Variants in PTCHD4 observed in about 807,000 individuals in gnomAD.
PTCHD4 encodes the protein patched domain containing 4, also known as patched domain-containing protein 4.
PTCHD4 carries 33 observed loss-of-function variants against 58.1 expected under a neutral mutation model. The observed-to-expected ratio is 0.57, with a 90% confidence interval of 0.43 to 0.76. The LOEUF is 0.76. Among genes scored for constraint, PTCHD4 ranks in the 30% least tolerant of loss-of-function variants. The probability of loss-of-function intolerance (pLI) is 0.00; values close to 1 mark genes in which losing one functional copy is unlikely to be tolerated. For synonymous variants in PTCHD4, 478 were observed against 409.6 expected, an observed-to-expected ratio of 1.17 and a Z score of -2.02; for missense variants, 1,058 against 1,027.1, an observed-to-expected ratio of 1.03 and a Z score of -0.41.
chr6:47,914,757 T>C (rs1765187657), intron 4 of PTCHD4, among the ~76,000 whole-genome samples: 1 of 146,956 alleles, frequency 6.8e-6, no homozygotes, highest in Non-Finnish European at 1.5e-5. Flanking sequence ...TCTATCTATC[T>C]ATCTATCTAT....
At chr6:48,098,780 C>T (rs1765533366) in intron 1 of PTCHD4, among the ~76,000 whole-genome samples, 1 of 152,108 alleles carries the variant, frequency 6.6e-6, no homozygotes, top group South Asian at 2.1e-4. Context: ...CCAGAGATGT[C>T]CCCATCCTGT....
At chr6:47,975,774 A>G (rs1050555599) in intron 4 of PTCHD4, among the ~76,000 whole-genome samples, 6 of 152,200 alleles carry the variant, frequency 3.9e-5, no homozygotes, top group Non-Finnish European at 7.3e-5. Flanking sequence ...AAAGATGAAC[A>G]GGGAAGCTCT....
At chr6:47,995,436 C>T (rs1266394081) in intron 4 of PTCHD4, among the ~76,000 whole-genome samples, 2 of 152,174 alleles carry the variant, frequency 1.3e-5, no homozygotes, top group African/African-American at 2.4e-5. Flanking sequence ...GGTCTTTTTA[C>T]ATATCTTGAG....
rs775134454 is a variant in PTCHD4, at chr6:47,862,929, A to C, written c.*15374T>G. ...ATGGTCAATTATATCTGGGAAATCAAATACTGTCTTTATGCTACTGGAACA... is the reference window on the plus strand; with the variant it reads ...ATGGTCAATTATATCTGGGAAATCACATACTGTCTTTATGCTACTGGAACA... On this transcript the variant is annotated 3_prime_UTR_variant, in exon 5 of 5. Coordinates refer to ENST00000339488, the MANE Select transcript of PTCHD4 (RefSeq NM_001384253.1). 1.3e-5 allele frequency among the ~76,000 whole-genome samples: 2 copies of C among 151,934 alleles called. No individual in the cohort carries two copies. Among genetic ancestry groups the C allele is most frequent in the African/African-American group, 2.4e-5 (1 of 41,432 alleles).
intron 4 of PTCHD4, among the ~76,000 whole-genome samples, chr6:47,996,594 G>A (rs1768497208): frequency 6.6e-6 from 1 of 152,200 alleles, no homozygotes; most frequent in Non-Finnish European, 1.5e-5. Flanking sequence ...AATGCAGGTT[G>A]TAATCCTGAC....
rs149609525 is a variant in PTCHD4, at chr6:48,035,791, G to C, written c.418-26677C>G. Among the ~76,000 whole-genome samples, 67 of 152,240 alleles carry C rather than the reference G, an allele frequency of 4.4e-4. No individual in the cohort carries two copies. The East Asian group carries it at 0.012, about 26-fold the overall frequency. On this transcript the variant is annotated intron_variant, in intron 3 of 4. Coordinates refer to ENST00000339488, the MANE Select transcript of PTCHD4 (RefSeq NM_001384253.1). ...CCTGCCTTCAGCAGGAATCCTGTCAGCTCAGTTTAGCCAGAATCTCCCTTG... is the reference window on the plus strand; with the variant it reads ...CCTGCCTTCAGCAGGAATCCTGTCACCTCAGTTTAGCCAGAATCTCCCTTG...
At chr6:47,946,815 T>A (rs185116142) in intron 4 of PTCHD4, among the ~76,000 whole-genome samples, 58 of 152,214 alleles carry the variant, frequency 3.8e-4, no homozygotes, top group African/African-American at 1.4e-3. Context: ...AGTTTGAAAT[T>A]ATGTGCACAA....
intron 4 of PTCHD4, among the ~76,000 whole-genome samples, chr6:47,978,678 G>T (rs1167687091): frequency 6.6e-6 from 1 of 152,092 alleles, no homozygotes; most frequent in African/African-American, 2.4e-5. Context: ...AACTCTATGA[G>T]ACAGATCTTA....
chr6:48,002,119 T>C (rs974852347), intron 4 of PTCHD4, among the ~76,000 whole-genome samples: 1 of 152,148 alleles, frequency 6.6e-6, no homozygotes, highest in Non-Finnish European at 1.5e-5. Flanking sequence ...CAACAGGTGC[T>C]GGAGAGGATG....
chr6:47,902,977 C>A (rs553640810), intron 4 of PTCHD4, among the ~76,000 whole-genome samples: 4 of 152,286 alleles, frequency 2.6e-5, no homozygotes, highest in African/African-American at 9.6e-5. Flanking sequence ...AGCAAAACTT[C>A]TCAATATCAA....
At position 47,876,733 on chromosome 6, in the gene PTCHD4, G is replaced by A. The variant is rs6933704; in HGVS notation, c.*1570C>T. ...TCTGTCCTACCTGGAAATAAATTAT[G>A]TTACTGCTTGGCATGGGAAAAGGCA... On this transcript the variant is annotated 3_prime_UTR_variant, in exon 5 of 5. Transcript: ENST00000339488. Among the ~76,000 whole-genome samples, 92,925 of 151,780 alleles carry A rather than the reference G, an allele frequency of 0.61. 29,146 individuals are homozygous for A. The highest frequency in any genetic ancestry group is 0.78 in the East Asian group (4,004 of 5,144).
chr6:47,995,364 G>T (rs186852613), intron 4 of PTCHD4, among the ~76,000 whole-genome samples: 1 of 152,168 alleles, frequency 6.6e-6, no homozygotes, highest in Non-Finnish European at 1.5e-5. Flanking sequence ...AAGGAACAAA[G>T]AAATTCATCA....
intron 3 of PTCHD4, among the ~76,000 whole-genome samples, chr6:48,063,795 G>A (rs1298956102): frequency 6.6e-6 from 1 of 152,144 alleles, no homozygotes; most frequent in Non-Finnish European, 1.5e-5. Flanking sequence ...ATCCTGACAT[G>A]TATACCTTAT....
At chr6:48,074,369 C>A (rs866557750) in intron 1 of PTCHD4, among the ~76,000 whole-genome samples, 1 of 152,180 alleles carries the variant, frequency 6.6e-6, no homozygotes, top group Non-Finnish European at 1.5e-5. Flanking sequence ...TTGCCCATGC[C>A]CACAGCTTGA....
chr6:48,000,807 T>C (rs1768690865), intron 4 of PTCHD4, among the ~76,000 whole-genome samples: 1 of 152,212 alleles, frequency 6.6e-6, no homozygotes, highest in African/African-American at 2.4e-5. Flanking sequence ...CTCAGTGGCA[T>C]TGCTTCTGCA....
chr6:47,897,139 C>A (rs1440983766), intron 4 of PTCHD4, among the ~76,000 whole-genome samples: 1 of 152,086 alleles, frequency 6.6e-6, no homozygotes, highest in Non-Finnish European at 1.5e-5. Flanking sequence ...AACTGGGGAC[C>A]CCTACTCCAC....
intron 4 of PTCHD4, chr6:47,890,964 T>A: frequency 1.2e-6 from 1 of 837,472 alleles, no homozygotes. Flanking sequence ...TCCCAGCACT[T>A]TGGGGGGCTG....
chr6:47,929,395 A>T (rs1475711826), intron 4 of PTCHD4, among the ~76,000 whole-genome samples: 3 of 152,332 alleles, frequency 2.0e-5, no homozygotes, highest in Admixed American at 6.5e-5. Flanking sequence ...GATATTTAAT[A>T]TAAATCATAA....
chr6:47,966,040 T>C (rs190832415), intron 4 of PTCHD4, among the ~76,000 whole-genome samples: 2 of 152,318 alleles, frequency 1.3e-5, no homozygotes, highest in East Asian at 3.9e-4. Context: ...AAGTAAGAGA[T>C]AGATGACATA....
Sources: gnomAD v4.1 joint callset for allele counts (sites outside exome capture counted in the v4.1 genomes callset) on GRCh38, gnomAD v4.1.1 for gene constraint, MANE v1.5 for transcripts, NCBI Gene and HGNC (gene_info 2026-07-23, HGNC 2026-07-21) for gene names.